The following SLC26A6 variants were observed in gnomAD, a reference collection of about 807,000 sequenced individuals.
The protein encoded by SLC26A6 is solute carrier family 26 member 6.
A neutral mutation model predicts 87.1 loss-of-function variants in SLC26A6; 67 were observed. The observed-to-expected ratio is 0.77, with a 90% CI of 0.63 to 0.94. SLC26A6 has a LOEUF of 0.94. Ranked by LOEUF, SLC26A6 falls within the 40% of genes least tolerant of loss-of-function variation. The pLI, the probability that SLC26A6 is intolerant of heterozygous loss-of-function variation, is 0.00. For missense variants in SLC26A6, 902 were observed against 973.0 expected (o/e 0.93, Z 0.97); for synonymous variants, 414 against 405.9 (o/e 1.02, Z -0.24).
Position 48,630,064 on chromosome 3 carries a change from G to T in SLC26A6, c.1420C>A (p.Leu474Met), listed in dbSNP as rs2046740178. 7.4e-6 allele frequency: 12 copies of T among 1,612,776 alleles called. No individual in the cohort carries two copies. The highest frequency in any genetic ancestry group is 9.3e-6 in the Non-Finnish European group (11 of 1,179,036). ...RSLWKANRAD[L>M]LIWLVTFTAT... The stretch of plus-strand genomic sequence containing the variant: ...CCCTGGGCTCCCAGTGCACTCACCA[G>T]ATCCGCCCGATTGGCCTTCCAGAGG... Residue 474 changes from leucine to methionine, a missense_variant and splice_region_variant, in exon 12 of 21, where the codon CTG becomes ATG. Around this residue, in one of 3 missense-constraint regions of SLC26A6, gnomAD observed 800 missense variants for 856.8 expected, o/e 0.93. Coordinates refer to ENST00000395550, the MANE Select transcript of SLC26A6 (RefSeq NM_022911.3).
chr3:48,633,206 C>T (rs1309129699), intron 3 of SLC26A6, 45 bp downstream of exon 3: 4 of 1,599,434 alleles, frequency 2.5e-6, no homozygotes, highest in African/African-American at 2.7e-5. Context: ...TTTTGGGCAT[C>T]ACAGACCACA....
In SLC26A6 at chr3:48,627,069, C is replaced by T. The variant is rs2046645352; in HGVS notation, c.1894-14G>A. The T allele has an allele frequency of 1.2e-6, 2 of 1,608,940 alleles. No homozygotes were observed. Among genetic ancestry groups the T allele is most frequent in the African/African-American group, 1.3e-5 (1 of 74,808 alleles). The stretch of plus-strand genomic sequence containing the variant: ...TGAGCTCACCTGCTGGGGAGCCAGA[C>T]ATGCTGCCAGGGCCACCCATGAGAG... On this transcript the variant is annotated splice_polypyrimidine_tract_variant and intron_variant, in intron 17 of 20. Transcript: ENST00000395550.
At chr3:48,632,911 T>A in intron 4 of SLC26A6, 63 bp downstream of exon 4, 1 of 1,501,136 alleles carries the variant, frequency 6.7e-7, no homozygotes, top group Non-Finnish European at 9.2e-7. Context: ...CAGTGCCCCC[T>A]CACCCTGCCC....
intron 1 of SLC26A6, 37 bp downstream of exon 1, chr3:48,635,334 C>A: frequency 6.3e-7 from 1 of 1,577,162 alleles, no homozygotes; most frequent in Non-Finnish European, 8.6e-7. Flanking sequence ...CAGCGAGGCG[C>A]TCGCGCGGGG....
In SLC26A6 at chr3:48,630,096, A is replaced by G. The variant is rs754893504; in HGVS notation, c.1388T>C (p.Met463Thr). The G allele has an allele frequency of 5.6e-6, 9 of 1,611,864 alleles. No homozygotes were observed. The East Asian group carries it at 1.6e-4, about 28-fold the overall frequency. The change falls in exon 12 of 21, where the codon ATG becomes ACG. Residue 463 changes from methionine to threonine, a missense_variant. Physicochemically the swap from Met to Thr is moderately conservative, Grantham distance 81. Transcript: ENST00000395550. ...LKGMLRQLSDMRSLWKANRAD... is the reference protein window; with the variant it reads ...LKGMLRQLSDTRSLWKANRAD... ...CCGATTGGCCTTCCAGAGGGAGCGC[A>G]TGTCGCTGAGCTGCCTCAGCATGCC...
In SLC26A6 at chr3:48,633,072, G is replaced by A; in HGVS notation, c.335C>T (p.Ala112Val). 1 of 1,612,726 alleles carries A rather than the reference G, an allele frequency of 6.2e-7. No homozygotes were observed. Among genetic ancestry groups the A allele is most frequent in the Non-Finnish European group, 8.5e-7 (1 of 1,179,484 alleles). Residue 112 changes from alanine (A) to valine (V), a missense_variant, in exon 4 of 21, where the codon GCC becomes GTC. Transcript: ENST00000395550. ...CACGGGGGGCAATCCAGCCAGGAGGGCGTAGGCCAAGCCTAGGGGTAGAAT... is the reference window on the plus strand; with the variant it reads ...CACGGGGGGCAATCCAGCCAGGAGGACGTAGGCCAAGCCTAGGGGTAGAAT... The part of the protein sequence containing the change: ...IMQLPQGLAY[A>V]LLAGLPPVFG...
intron 1 of SLC26A6, 70 bp downstream of exon 1, chr3:48,635,301 T>A: frequency 7.6e-7 from 1 of 1,323,844 alleles, no homozygotes; most frequent in Non-Finnish European, 1.0e-6. Context: ...CAGCGAGGCG[T>A]CGCAAGCGGA....
In SLC26A6 at chr3:48,633,592, CCATTGCTTGTGTTGCAGACAG is replaced by C. The variant is rs746814233; in HGVS notation, c.46_66del (p.Leu16_Met22del). On this transcript the variant is annotated inframe_deletion, in exon 2 of 21. Transcript: ENST00000395550. ...ATGTGGTAGTCTCGCCTCCGCAGGT[CCATTGCTTGTGTTGCAGACAG>C]CAGTGCCTGTGTGTCCCTCGGTCTG... The C allele has an allele frequency of 6.2e-7, 1 of 1,613,576 alleles. No individual in the cohort carries two copies. Among genetic ancestry groups the C allele is most frequent in the Admixed American group, 1.7e-5 (1 of 60,022 alleles).
Position 48,631,301 on chromosome 3 carries a change from G to A in SLC26A6, c.909C>T (p.Ile303=), listed in dbSNP as rs780647773. 7 of 1,590,926 alleles carry A rather than the reference G, an allele frequency of 4.4e-6. No homozygotes were observed. Among genetic ancestry groups the A allele is most frequent in the African/African-American group, 2.7e-5 (2 of 74,444 alleles). ...TGCCATAGGAGATGCCTGTGGCCCC[G>A]ATGAGCTGTGGGAGAGGACAGAGTC... ...MPIPGELLTL[I]GATGISYGMG... is the part of the protein sequence containing the mutation. The change falls in exon 8 of 21, where the codon ATC becomes ATT. Residue 303 remains isoleucine (I), a synonymous_variant. Coordinates refer to ENST00000395550, the MANE Select transcript of SLC26A6 (RefSeq NM_022911.3).
chr3:48,630,998 T>G lies in SLC26A6; in HGVS notation c.1129A>C (p.Asn377His), dbSNP rs2046772777. 1 of 1,613,658 alleles carries G rather than the reference T, an allele frequency of 6.2e-7. No homozygotes were observed. The highest frequency in any genetic ancestry group is 1.3e-5 in the African/African-American group (1 of 74,940). ...ACATCCCGCATCACCCAGACCTGGT[T>G]GCTGTCCACCCGGTAGCCGTGCCTC... ...ALRHGYRVDS[N>H]QELVALGLSN... Residue 377 changes from asparagine to histidine, a missense_variant, in exon 9 of 21, where the codon AAC becomes CAC. By Grantham distance (68) the Asn-to-His change is moderately conservative (BLOSUM62 1). Around this residue, in one of 3 missense-constraint regions of SLC26A6, gnomAD observed 800 missense variants for 856.8 expected, o/e 0.93. Transcript: ENST00000395550.
rs549074921 is a variant in SLC26A6, at chr3:48,631,028, C to T, written c.1099G>A (p.Ala367Thr). 58 of 1,613,836 alleles carry T rather than the reference C, an allele frequency of 3.6e-5. No homozygotes were observed. The highest frequency in any genetic ancestry group is 2.1e-4 in the South Asian group (19 of 91,088). The change falls in exon 9 of 21, where the codon GCC (alanine) becomes ACC (threonine). Residue 367 changes from alanine (A) to threonine (T), a missense_variant. Transcript: ENST00000395550. ...AIAISLGKIF[A>T]LRHGYRVDSN... is the part of the protein sequence containing the mutation. The stretch of plus-strand genomic sequence containing the variant: ...TCCACCCGGTAGCCGTGCCTCAGGG[C>T]GAAGATCTTCCCCAGTGAGATGGCA...
rs746987809 is a variant in SLC26A6 at position 48,633,399 on chromosome 3, A to G, written c.183-9T>C. On this transcript the variant is annotated splice_polypyrimidine_tract_variant and intron_variant, in intron 2 of 20. Coordinates refer to ENST00000395550, the MANE Select transcript of SLC26A6 (RefSeq NM_022911.3). ...CCCGAGCACGGGAGCACCTAGGGACATGATATGAGGGGTAGGTGTCAGGAA... is the reference window on the plus strand; with the variant it reads ...CCCGAGCACGGGAGCACCTAGGGACGTGATATGAGGGGTAGGTGTCAGGAA... The G allele has an allele frequency of 4.3e-6, 7 of 1,613,224 alleles. No individual in the cohort carries two copies. The South Asian group carries it at 7.7e-5, about 18-fold the overall frequency.
intron 7 of SLC26A6, 70 bp downstream of exon 7, chr3:48,631,579 G>A: frequency 6.4e-7 from 1 of 1,560,560 alleles, no homozygotes; most frequent in Non-Finnish European, 8.7e-7. Flanking sequence ...AATACAGGAG[G>A]CTGCCCACGT....
chr3:48,632,669 CTG>C lies in SLC26A6; in HGVS notation c.434-275_434-274del. On this transcript the variant is annotated intron_variant, in intron 4 of 20. Transcript: ENST00000395550. Reference sequence around the variant, plus strand: ...ACTGGTCCCGGGACACAGAGGCTCTCTGTGGAGTAGGGAAGGGGTCAGGGCTG... The same window carrying C: ...ACTGGTCCCGGGACACAGAGGCTCTCTGGAGTAGGGAAGGGGTCAGGGCTG... 3 of 690,520 alleles carry C rather than the reference CTG, an allele frequency of 4.3e-6. No individual in the cohort carries two copies. The East Asian group carries it at 8.4e-5, about 19-fold the overall frequency. 42.8% of individuals were successfully genotyped at this position (690,520 alleles called of 1,614,324 possible).
intron 7 of SLC26A6, 130 bp from the exon 8 acceptor site, chr3:48,631,436 G>A: frequency 8.6e-7 from 1 of 1,161,204 alleles, no homozygotes; most frequent in Non-Finnish European, 1.2e-6. Flanking sequence ...GTCACGTAGG[G>A]TGAGAGACAG....
Position 48,630,590 on chromosome 3 carries a change from C to G in SLC26A6, c.1248+17G>C. The stretch of plus-strand genomic sequence containing the variant: ...GCAATGTGCATGCCCACACCCATGC[C>G]CACACCCAAAGCCCACCTGCGAGTT... On this transcript the variant is annotated intron_variant, in intron 10 of 20. Transcript: ENST00000395550. 6.4e-7 allele frequency: 1 copy of G among 1,567,198 alleles called. No individual in the cohort carries two copies. Among genetic ancestry groups the G allele is most frequent in the Non-Finnish European group, 8.7e-7 (1 of 1,154,738 alleles).
At chr3:48,633,742 A>T (rs1161641195) in intron 1 of SLC26A6, 107 bp from the exon 2 acceptor site, 1 of 1,536,324 alleles carries the variant, frequency 6.5e-7, no homozygotes, top group African/African-American at 1.4e-5. Flanking sequence ...TCCAGGCCCT[A>T]AGATCAAGGT....
chr3:48,634,624 G>A, intron 1 of SLC26A6: 1 of 701,448 alleles, frequency 1.4e-6, no homozygotes, highest in Non-Finnish European at 1.8e-6. Context: ...ATCTTACCTG[G>A]GGGAAAACTC....
chr3:48,629,336 C>T (rs1458782993), intron 14 of SLC26A6, among the ~76,000 whole-genome samples: 2 of 152,322 alleles, frequency 1.3e-5, no homozygotes, highest in South Asian at 2.1e-4. Context: ...TCCCTTCCAA[C>T]CTGGCGCCCC....
Sources: gnomAD v4.1 joint callset for allele counts (sites outside exome capture counted in the v4.1 genomes callset) on GRCh38, gnomAD v4.1.1 for gene constraint, gnomAD v4.1.1 regional missense constraint, MANE v1.5 for transcripts, NCBI Gene and HGNC (gene_info 2026-07-23, HGNC 2026-07-21) for gene names.